Variants in PTPN14 observed in about 807,000 individuals in gnomAD.
PTPN14 encodes protein tyrosine phosphatase non-receptor type 14, also known as tyrosine-protein phosphatase non-receptor type 14.
PTPN14 carries 53 observed loss-of-function variants against 126.8 expected under a neutral mutation model. The observed-to-expected ratio is 0.42, with a 90% confidence interval of 0.34 to 0.53. PTPN14 has a LOEUF of 0.53. Among genes scored for constraint, PTPN14 ranks in the 20% least tolerant of loss-of-function variants. The pLI, the probability that PTPN14 is intolerant of heterozygous loss-of-function variation, is 0.08. For missense variants in PTPN14, 1,257 were observed against 1,552.9 expected (o/e 0.81, Z 3.20); for synonymous variants, 630 against 599.3 (o/e 1.05, Z -0.75).
intron 1 of PTPN14, among the ~76,000 whole-genome samples, chr1:214,521,177 T>A (rs901515052): frequency 3.3e-5 from 5 of 152,248 alleles, no homozygotes; most frequent in Non-Finnish European, 5.9e-5. Flanking sequence ...GAGAGATCCA[T>A]GGCCCACATG....
chr1:214,518,461 T>C (rs1479236283), intron 1 of PTPN14, among the ~76,000 whole-genome samples: 1 of 152,236 alleles, frequency 6.6e-6, no homozygotes, highest in Non-Finnish European at 1.5e-5. Context: ...CTATTCCAAA[T>C]ATAGGCTTTT....
At chr1:214,373,143 C>T (rs955420216) in intron 15 of PTPN14, among the ~76,000 whole-genome samples, 3 of 152,126 alleles carry the variant, frequency 2.0e-5, no homozygotes, top group African/African-American at 7.2e-5. Flanking sequence ...CAACCTCCGC[C>T]TCCTGGGTTC....
chr1:214,474,080 A>G (rs1660817127), intron 1 of PTPN14, among the ~76,000 whole-genome samples: 1 of 152,226 alleles, frequency 6.6e-6, no homozygotes. Context: ...CACATTTTCC[A>G]TCTCTCTTAC....
At chr1:214,497,547 G>C (rs906101188) in intron 1 of PTPN14, among the ~76,000 whole-genome samples, 6 of 151,988 alleles carry the variant, frequency 3.9e-5, no homozygotes, top group African/African-American at 1.5e-4. Context: ...ATACATCTAT[G>C]AAAAAGGATG....
chr1:214,484,362 T>C (rs76679969), intron 1 of PTPN14, among the ~76,000 whole-genome samples: 13 of 152,212 alleles, frequency 8.5e-5, no homozygotes, highest in Non-Finnish European at 1.5e-4. Context: ...CATGATCCTA[T>C]GATTGCATTA....
intron 1 of PTPN14, among the ~76,000 whole-genome samples, chr1:214,492,376 C>T (rs1485089925): frequency 6.6e-6 from 1 of 152,166 alleles, no homozygotes; most frequent in Non-Finnish European, 1.5e-5. Context: ...GTAAATTCAA[C>T]CCCAAAGGTC....
chr1:214,451,830 A>G lies in PTPN14; in HGVS notation c.319T>C (p.Ser107Pro). The G allele has an allele frequency of 6.2e-7, 1 of 1,614,192 alleles. No individual in the cohort carries two copies. The highest frequency in any genetic ancestry group is 8.5e-7 in the Non-Finnish European group (1 of 1,180,040). Reference sequence around the variant, plus strand: ...CTTGTGGCCTCTTGCTGAAGCCATGACACATTTGGCACATAGAACATGACT... The same window carrying G: ...CTTGTGGCCTCTTGCTGAAGCCATGGCACATTTGGCACATAGAACATGACT... ...FGVMFYVPNVSWLQQEATRYQ... is the reference protein window; with the variant it reads ...FGVMFYVPNVPWLQQEATRYQ... The change falls in exon 3 of 19, where the codon TCA (serine) becomes CCA (proline). Residue 107 changes from serine to proline, a missense_variant. Coordinates refer to ENST00000366956, the MANE Select transcript of PTPN14 (RefSeq NM_005401.5).
intron 8 of PTPN14, among the ~76,000 whole-genome samples, chr1:214,395,694 C>T (rs559984250): frequency 1.1e-3 from 166 of 151,484 alleles, no homozygotes; most frequent in African/African-American, 3.9e-3. Flanking sequence ...CCAAAATAAG[C>T]ACCAGATGAG....
At chr1:214,484,038 G>A (rs571469993) in intron 1 of PTPN14, among the ~76,000 whole-genome samples, 2 of 152,290 alleles carry the variant, frequency 1.3e-5, no homozygotes, top group East Asian at 1.9e-4. Context: ...AAAAGAAATC[G>A]TAGAATGGGT....
intron 1 of PTPN14, among the ~76,000 whole-genome samples, chr1:214,509,834 T>C (rs190295568): frequency 1.3e-5 from 2 of 152,324 alleles, no homozygotes; most frequent in Admixed American, 1.3e-4. Context: ...TCACGTCCTT[T>C]GTAGGGACAT....
At chr1:214,537,794 T>C (rs137996878) in intron 1 of PTPN14, among the ~76,000 whole-genome samples, 6 of 152,318 alleles carry the variant, frequency 3.9e-5, no homozygotes, top group Non-Finnish European at 7.4e-5. Flanking sequence ...TCTATGACGG[T>C]GCTGTCCAAA....
chr1:214,513,691 C>T (rs6673383), intron 1 of PTPN14, among the ~76,000 whole-genome samples: 302 of 152,234 alleles, frequency 2.0e-3, no homozygotes, highest in African/African-American at 7.1e-3. Context: ...AAGTTCGAAT[C>T]CCACATCTGC....
In PTPN14 at chr1:214,464,848, G is replaced by T; in HGVS notation, c.-45C>A. On this transcript the variant is annotated 5_prime_UTR_variant, in exon 2 of 19. Transcript: ENST00000366956. Reference sequence around the variant, plus strand: ...GCCGCCCGCCTATCCTGGCGCACACGCCCCTGAGATGGCCTTAGCAGTTTC... The same window carrying T: ...GCCGCCCGCCTATCCTGGCGCACACTCCCCTGAGATGGCCTTAGCAGTTTC... The T allele has an allele frequency of 6.2e-7, 1 of 1,603,006 alleles. No homozygotes were observed.
At chr1:214,533,264 G>T (rs1490007172) in intron 1 of PTPN14, 1 of 617,096 alleles carries the variant, frequency 1.6e-6, no homozygotes, top group Non-Finnish European at 3.0e-6. Flanking sequence ...GCCCAGGAGT[G>T]CGAGGCCCTG....
intron 11 of PTPN14, among the ~76,000 whole-genome samples, chr1:214,390,630 G>C (rs1224760164): frequency 6.6e-6 from 1 of 152,126 alleles, no homozygotes; most frequent in East Asian, 1.9e-4. Context: ...TGAACACAAA[G>C]GAATTTGTGG....
At chr1:214,482,926 C>T (rs1485750755) in intron 1 of PTPN14, 3 of 1,602,432 alleles carry the variant, frequency 1.9e-6, no homozygotes, top group African/African-American at 2.7e-5. Context: ...GGAGCTCCCA[C>T]TAAGCCACCC....
At position 214,406,444 on chromosome 1, in the gene PTPN14, G is replaced by A. The variant is rs1057348993; in HGVS notation, c.511-3491C>T. 4.7e-5 allele frequency among the ~76,000 whole-genome samples: 7 copies of A among 148,772 alleles called. No homozygotes were observed. In the East Asian group the frequency reaches 5.9e-4, roughly 13 times the overall value. On this transcript the variant is annotated intron_variant, in intron 5 of 18. Coordinates refer to ENST00000366956, the MANE Select transcript of PTPN14 (RefSeq NM_005401.5). The stretch of plus-strand genomic sequence containing the variant: ...TGCAGTGAGCTGAGATTGCGCCACC[G>A]CACTCCAGCCTGGGTGACAGAGCGA...
chr1:214,465,569 C>T (rs927719693), intron 1 of PTPN14, among the ~76,000 whole-genome samples: 1 of 152,124 alleles, frequency 6.6e-6, no homozygotes, highest in East Asian at 1.9e-4. Context: ...TGCAGTGACC[C>T]ATGATCATGC....
intron 1 of PTPN14, among the ~76,000 whole-genome samples, chr1:214,538,459 T>C (rs1005342484): frequency 3.9e-5 from 6 of 152,202 alleles, no homozygotes; most frequent in Admixed American, 2.6e-4. Context: ...GGGGTTTCTA[T>C]ACATAAAGCT....
Sources: gnomAD v4.1 joint callset for allele counts (sites outside exome capture counted in the v4.1 genomes callset) on GRCh38, gnomAD v4.1.1 for gene constraint, MANE v1.5 for transcripts, NCBI Gene and HGNC (gene_info 2026-07-23, HGNC 2026-07-21) for gene names.